GPM6A: variants seen among roughly 807,000 people sequenced by gnomAD.
The protein encoded by GPM6A is glycoprotein M6A, also known as neuronal membrane glycoprotein M6-a.
A neutral mutation model predicts 32.1 loss-of-function variants in GPM6A; 7 were observed. The ratio of observed to expected loss-of-function variants is 0.22; its 90% CI spans 0.12 to 0.41. The LOEUF (loss-of-function observed/expected upper bound fraction) is 0.41, where lower values mean the gene tolerates loss of function less well. Among genes scored for constraint, GPM6A ranks in the 10% least tolerant of loss-of-function variants. The pLI is 1.00. For missense variants in GPM6A, 235 were observed against 347.2 expected (o/e 0.68, Z 2.57); for synonymous variants, 130 against 123.4 (o/e 1.05, Z -0.35).
At chr4:175,722,115 C>T (rs1267063566) in intron 1 of GPM6A, among the ~76,000 whole-genome samples, 2 of 151,982 alleles carry the variant, frequency 1.3e-5, no homozygotes, top group Non-Finnish European at 2.9e-5. Flanking sequence ...AATAAGACCC[C>T]AATTTTACAA....
intron 1 of GPM6A, among the ~76,000 whole-genome samples, chr4:175,753,389 A>G (rs1732411303): frequency 6.6e-6 from 1 of 152,204 alleles, no homozygotes; most frequent in South Asian, 2.1e-4. Flanking sequence ...AAGCATAGGC[A>G]TATTATTAAC....
rs1435085239 is a variant in GPM6A, at chr4:175,720,538, GAGAT to G, written c.38-18775_38-18772del. 2.6e-5 allele frequency among the ~76,000 whole-genome samples: 4 copies of G among 152,290 alleles called. No homozygotes were observed. In the East Asian group the frequency reaches 7.7e-4, roughly 29 times the overall value. The stretch of plus-strand genomic sequence containing the variant: ...AGCACTCCTGTACTGTGGGCCACAT[GAGAT>G]TAATAACTAGTTCTCAAGACTAAGG... On this transcript the variant is annotated intron_variant, in intron 1 of 6. Coordinates refer to ENST00000393658, the MANE Select transcript of GPM6A (RefSeq NM_201591.3).
chr4:175,722,049 G>T (rs867007272), intron 1 of GPM6A, among the ~76,000 whole-genome samples: 1 of 152,106 alleles, frequency 6.6e-6, no homozygotes, highest in Non-Finnish European at 1.5e-5. Context: ...AACTTTGAGA[G>T]GCTGAGGCAG....
chr4:175,889,417 C>G (rs1477108955), intron 1 of GPM6A, among the ~76,000 whole-genome samples: 1 of 151,830 alleles, frequency 6.6e-6, no homozygotes, highest in Non-Finnish European at 1.5e-5. Flanking sequence ...CCCACATACT[C>G]TGGAGGCTAC....
chr4:175,764,463 A>G (rs1241885804), intron 1 of GPM6A, among the ~76,000 whole-genome samples: 4 of 152,172 alleles, frequency 2.6e-5, no homozygotes, highest in African/African-American at 7.2e-5. Flanking sequence ...TGATTTTAGC[A>G]GTACATTTGG....
intron 1 of GPM6A, among the ~76,000 whole-genome samples, chr4:175,958,194 G>A (rs1272091715): frequency 1.3e-5 from 2 of 152,190 alleles, no homozygotes; most frequent in African/African-American, 2.4e-5. Context: ...TGCCCAGCCT[G>A]TTTCCAAGTA....
Position 175,879,885 on chromosome 4 carries a change from A to T in GPM6A, c.-22-67636T>A, listed in dbSNP as rs571357701. ...ATTGAAAAAGCCCATTTAAACACCC[A>T]CCAAGTTAAGCAAGAATCAACACAT... On this transcript the variant is annotated intron_variant, in intron 1 of 7. Transcript: ENST00000280187. Among the ~76,000 whole-genome samples the T allele has an allele frequency of 2.6e-5, 4 of 152,296 alleles. No homozygotes were observed. The East Asian group carries it at 7.7e-4, about 29-fold the overall frequency.
chr4:175,912,823 A>C (rs935053894), intron 1 of GPM6A, among the ~76,000 whole-genome samples: 7 of 152,178 alleles, frequency 4.6e-5, no homozygotes, highest in African/African-American at 1.7e-4. Flanking sequence ...GAGTTAAATG[A>C]GGTAATGCAA....
intron 3 of GPM6A, among the ~76,000 whole-genome samples, chr4:175,659,652 A>G (rs1241409390): frequency 6.6e-6 from 1 of 152,226 alleles, no homozygotes; most frequent in Non-Finnish European, 1.5e-5. Context: ...ACTCTTGATA[A>G]GTTTATCATG....
rs1211736038 is a variant in GPM6A, at chr4:175,634,684, G to C, written c.*221C>G. 9 of 440,944 alleles carry C rather than the reference G, an allele frequency of 2.0e-5. No individual in the cohort carries two copies. Among genetic ancestry groups the C allele is most frequent in the South Asian group, 4.1e-5 (1 of 24,128 alleles). The allele number at this position is 440,944 out of a possible 1,614,324, so 27.3% of individuals were successfully genotyped here. ...GAGTTTGAGAAATTTCAAAAAAAAGGCTGGATAGGAGCTTGTAGAAAAGAT... is the reference window on the plus strand; with the variant it reads ...GAGTTTGAGAAATTTCAAAAAAAAGCCTGGATAGGAGCTTGTAGAAAAGAT... On this transcript the variant is annotated 3_prime_UTR_variant, in exon 7 of 7. Coordinates refer to ENST00000393658, the MANE Select transcript of GPM6A (RefSeq NM_201591.3).
chr4:175,742,150 T>C (rs534550208), intron 1 of GPM6A, among the ~76,000 whole-genome samples: 2 of 152,160 alleles, frequency 1.3e-5, no homozygotes, highest in African/African-American at 4.8e-5. Flanking sequence ...ATTGAAAGGG[T>C]AATTATTTCC....
intron 1 of GPM6A, among the ~76,000 whole-genome samples, chr4:175,898,843 G>C (rs972139729): frequency 6.6e-6 from 1 of 152,132 alleles, no homozygotes; most frequent in Non-Finnish European, 1.5e-5. Context: ...TAACATTGCT[G>C]ATGCTGTCCA....
intron 1 of GPM6A, among the ~76,000 whole-genome samples, chr4:175,748,648 G>T (rs993131060): frequency 6.6e-6 from 1 of 152,082 alleles, no homozygotes; most frequent in African/African-American, 2.4e-5. Context: ...TAATTCTTCA[G>T]GGCCCCGAGA....
At chr4:175,815,718 CTTTT>C (rs60711329), upstream of GPM6A, among the ~76,000 whole-genome samples, 8 of 127,118 alleles carry the variant, frequency 6.3e-5, no homozygotes, top group African/African-American at 9.1e-5. Flanking sequence ...TTTTTCTTTT[CTTTT>C]TTTTTTTTTT....
At chr4:175,708,907 T>G (rs532290414) in intron 1 of GPM6A, among the ~76,000 whole-genome samples, 1 of 152,202 alleles carries the variant, frequency 6.6e-6, no homozygotes, top group Admixed American at 6.5e-5. Context: ...AAAGTTGTAA[T>G]TACCTGCACA....
intron 1 of GPM6A, among the ~76,000 whole-genome samples, chr4:175,828,790 C>T (rs1735515268): frequency 6.6e-6 from 1 of 151,794 alleles, no homozygotes; most frequent in East Asian, 1.9e-4. Context: ...TTCACATTTG[C>T]AAAGTAAATT....
intron 1 of GPM6A, among the ~76,000 whole-genome samples, chr4:175,882,077 G>T (rs1211973859): frequency 6.6e-6 from 1 of 151,942 alleles, no homozygotes; most frequent in African/African-American, 2.4e-5. Flanking sequence ...TTAATTATTT[G>T]TTATGCATTT....
intron 1 of GPM6A, among the ~76,000 whole-genome samples, chr4:175,811,367 G>C (rs903546936): frequency 6.6e-6 from 1 of 152,082 alleles, no homozygotes; most frequent in Non-Finnish European, 1.5e-5. Flanking sequence ...GACAGCAGAC[G>C]AGAGAAACGC....
At chr4:175,812,110 C>A in intron 1 of GPM6A, 81 bp downstream of exon 1, 1 of 1,030,590 alleles carries the variant, frequency 9.7e-7, no homozygotes, top group Non-Finnish European at 1.5e-6. Context: ...CATTCATTAG[C>A]CTTACTGGCA....
Sources: gnomAD v4.1 joint callset for allele counts (sites outside exome capture counted in the v4.1 genomes callset) on GRCh38, gnomAD v4.1.1 for gene constraint, MANE v1.5 for transcripts, NCBI Gene and HGNC (gene_info 2026-07-23, HGNC 2026-07-21) for gene names.